PTBP2: variants seen among roughly 807,000 people sequenced by gnomAD.
PTBP2 encodes polypyrimidine tract binding protein 2.
In PTBP2, 13 loss-of-function variants were observed where a neutral mutation model predicts 61.4. That is an observed-to-expected ratio of 0.21 (90% CI 0.14 to 0.34). The LOEUF is 0.34. PTBP2 is among the 10% of genes least tolerant of loss of function. PTBP2 has a pLI of 1.00. For missense variants in PTBP2, 405 were observed against 642.6 expected (o/e 0.63, Z 4.00); for synonymous variants, 215 against 218.5 (o/e 0.98, Z 0.14).
At chr1:96,795,145 A>G (rs898664055) in intron 8 of PTBP2, among the ~76,000 whole-genome samples, 1 of 152,214 alleles carries the variant, frequency 6.6e-6, no homozygotes, top group Non-Finnish European at 1.5e-5. Flanking sequence ...ATTTTTAGGC[A>G]GTTGGGTAAA....
At chr1:96,768,188 G>A (rs1656958027) in intron 3 of PTBP2, among the ~76,000 whole-genome samples, 2 of 151,954 alleles carry the variant, frequency 1.3e-5, no homozygotes, top group Admixed American at 1.3e-4. Context: ...TCTGGTTCAG[G>A]TACTAGTTAG....
At chr1:96,754,441 T>C (rs1188291730) in intron 3 of PTBP2, among the ~76,000 whole-genome samples, 1 of 152,184 alleles carries the variant, frequency 6.6e-6, no homozygotes, top group African/African-American at 2.4e-5. Flanking sequence ...AGTGGTAAGG[T>C]TCTTATATTT....
chr1:96,726,033 C>T (rs993936303), intron 2 of PTBP2, among the ~76,000 whole-genome samples: 6 of 126,424 alleles, frequency 4.7e-5, no homozygotes, highest in Admixed American at 2.0e-4. Flanking sequence ...GGAGATTGCA[C>T]CACTGCACTC....
intron 2 of PTBP2, among the ~76,000 whole-genome samples, chr1:96,744,987 G>T (rs1462940196): frequency 6.6e-6 from 1 of 151,848 alleles, no homozygotes; most frequent in Non-Finnish European, 1.5e-5. Context: ...CCCATTTTGG[G>T]TGACAAAATA....
chr1:96,740,598 C>G (rs61786388), intron 2 of PTBP2, among the ~76,000 whole-genome samples: 1 of 152,154 alleles, frequency 6.6e-6, no homozygotes, highest in Admixed American at 6.5e-5. Context: ...TACTTCTCCA[C>G]TCCAGGTAAT....
chr1:96,749,930 C>A (rs956718934), intron 2 of PTBP2, among the ~76,000 whole-genome samples: 2 of 152,062 alleles, frequency 1.3e-5, no homozygotes, highest in Non-Finnish European at 2.9e-5. Context: ...TCCAGAGCAC[C>A]CTTTCTTAAT....
chr1:96,725,132 CCAAA>C (rs1650217949), intron 2 of PTBP2, among the ~76,000 whole-genome samples: 1 of 151,994 alleles, frequency 6.6e-6, no homozygotes. Flanking sequence ...TAGGTTCCAT[CCAAA>C]CAGATTTCTG....
intron 8 of PTBP2, among the ~76,000 whole-genome samples, chr1:96,792,555 T>C (rs774852982): frequency 2.6e-5 from 4 of 152,162 alleles, no homozygotes; most frequent in African/African-American, 7.2e-5. Context: ...AATAGTAATA[T>C]ACATATAGTA....
chr1:96,726,450 T>A (rs1650536834), intron 2 of PTBP2, among the ~76,000 whole-genome samples: 1 of 151,068 alleles, frequency 6.6e-6, no homozygotes, highest in South Asian at 2.1e-4. Context: ...TTTTTTTTTT[T>A]TTTTCGAGAC....
At chr1:96,798,196 A>G (rs948624873) in intron 8 of PTBP2, among the ~76,000 whole-genome samples, 5 of 151,960 alleles carry the variant, frequency 3.3e-5, no homozygotes, top group African/African-American at 7.3e-5. Context: ...ACTTGAGATC[A>G]TGAGTTCAAA....
chr1:96,756,122 G>A (rs760186296), intron 3 of PTBP2, among the ~76,000 whole-genome samples: 1 of 152,142 alleles, frequency 6.6e-6, no homozygotes, highest in Non-Finnish European at 1.5e-5. Context: ...TATACGGCCG[G>A]GCACAGTGGC....
intron 3 of PTBP2, among the ~76,000 whole-genome samples, chr1:96,755,934 CTT>C (rs1313583684): frequency 6.6e-6 from 1 of 152,076 alleles, no homozygotes; most frequent in African/African-American, 2.4e-5. Flanking sequence ...TATGTCAAAA[CTT>C]GTCAAATTTT....
At position 96,729,014 on chromosome 1, in the gene PTBP2, G is replaced by GT. The variant is rs907777704; in HGVS notation, c.39+5428dup. ...CTAAACTCATTTAGTAGATCTAATA[G>GT]TTTTTTTTATATATTTCATCAGATT... On this transcript the variant is annotated intron_variant, in intron 2 of 13. Coordinates refer to ENST00000674951, the MANE Select transcript of PTBP2 (RefSeq NM_021190.4). Among the ~76,000 whole-genome samples the GT allele has an allele frequency of 2.0e-5, 3 of 151,994 alleles. No homozygotes were observed. The South Asian group carries it at 6.2e-4, about 32-fold the overall frequency.
intron 2 of PTBP2, among the ~76,000 whole-genome samples, chr1:96,737,847 G>T (rs1470323830): frequency 6.6e-6 from 1 of 151,890 alleles, no homozygotes; most frequent in Non-Finnish European, 1.5e-5. Context: ...TGTGAGTATT[G>T]TTATATATGT....
chr1:96,726,049 TGGG>T (rs1650417604), intron 2 of PTBP2, among the ~76,000 whole-genome samples: 3 of 110,482 alleles, frequency 2.7e-5, no homozygotes, highest in Non-Finnish European at 5.0e-5. Context: ...CACTCCAGCC[TGGG>T]CGACAGAGAC....
chr1:96,722,279 G>A (rs531723666), intron 1 of PTBP2, among the ~76,000 whole-genome samples: 8 of 152,250 alleles, frequency 5.3e-5, no homozygotes, highest in African/African-American at 1.9e-4. Context: ...GATGGGCAGA[G>A]ACAGGCCTTT....
intron 2 of PTBP2, among the ~76,000 whole-genome samples, chr1:96,730,974 T>A (rs2100806212): frequency 6.6e-6 from 1 of 152,298 alleles, no homozygotes; most frequent in African/African-American, 2.4e-5. Flanking sequence ...ATCTGGGTCA[T>A]GTTATTCTGT....
intron 2 of PTBP2, 105 bp downstream of exon 2, chr1:96,723,699 CCAAG>C: frequency 2.0e-6 from 2 of 981,018 alleles, no homozygotes; most frequent in Non-Finnish European, 3.0e-6. Flanking sequence ...CTAACAAAAC[CCAAG>C]TGTAAAATGT....
At chr1:96,818,378 C>T (rs1662559622), downstream of PTBP2, 1 of 152,060 alleles carries the variant, frequency 6.6e-6, no homozygotes. Flanking sequence ...ATTCTCATCT[C>T]CTTTATTAAT....
Sources: gnomAD v4.1 joint callset for allele counts (sites outside exome capture counted in the v4.1 genomes callset) on GRCh38, gnomAD v4.1.1 for gene constraint, MANE v1.5 for transcripts, NCBI Gene and HGNC (gene_info 2026-07-23, HGNC 2026-07-21) for gene names.